TIAM1: variants seen among roughly 807,000 people sequenced by gnomAD.
TIAM1 encodes the protein TIAM Rac1 associated GEF 1.
Under a neutral mutation model 163.5 loss-of-function variants are expected in TIAM1, and 65 were observed. The observed-to-expected ratio is 0.40, with a 90% CI of 0.33 to 0.49. The LOEUF is 0.49. TIAM1 is among the 20% of genes least tolerant of loss of function. The pLI is 0.77. For synonymous variants in TIAM1, 833 were observed against 810.1 expected (o/e 1.03, Z -0.48); for missense variants, 1,789 against 2,044.7 (o/e 0.87, Z 2.41).
In TIAM1 at chr21:31,118,549, C is replaced by A. The variant is rs780899319; in HGVS notation, c.*1819G>T. The A allele has an allele frequency of 4.9e-5, 23 of 470,936 alleles. No individual in the cohort carries two copies. The highest frequency in any genetic ancestry group is 9.2e-5 in the Non-Finnish European group (21 of 227,084). 29.2% of individuals were successfully genotyped at this position (470,936 alleles called of 1,614,324 possible). A position where few individuals can be genotyped will look rare whatever the true frequency, so the allele number is the denominator to read the frequency against. On this transcript the variant is annotated 3_prime_UTR_variant, in exon 28 of 28. Coordinates refer to ENST00000541036, the MANE Select transcript of TIAM1 (RefSeq NM_001353694.2). ...AACTTTTGACATAGACACGTCATGA[C>A]CTTATGTACAAGAGACAATGGCACC...
At chr21:31,485,580 T>A (rs1000317885) in intron 1 of TIAM1, among the ~76,000 whole-genome samples, 1 of 152,174 alleles carries the variant, frequency 6.6e-6, no homozygotes, top group Non-Finnish European at 1.5e-5. Flanking sequence ...ATTCTCTCTG[T>A]TGGACTCCAG....
chr21:31,451,769 G>GAA (rs2044866346), intron 2 of TIAM1, among the ~76,000 whole-genome samples: 1 of 143,194 alleles, frequency 7.0e-6, no homozygotes, highest in Admixed American at 7.1e-5. Context: ...GTGAGACACA[G>GAA]AGAGAGAGAG....
At chr21:31,213,510 G>A in intron 9 of TIAM1, 38 bp from the exon 10 acceptor site, 1 of 1,586,982 alleles carries the variant, frequency 6.3e-7, no homozygotes, top group Non-Finnish European at 8.7e-7. Context: ...AAGGAATCTG[G>A]GCAACAGGGC....
chr21:31,132,469 G>A (rs190907758), intron 23 of TIAM1, among the ~76,000 whole-genome samples: 1 of 152,282 alleles, frequency 6.6e-6, no homozygotes, highest in East Asian at 1.9e-4. Flanking sequence ...CAAGCAACCT[G>A]AGAAGGCCTT....
chr21:31,217,487 C>A, intron 9 of TIAM1, 66 bp downstream of exon 9: 1 of 1,566,814 alleles, frequency 6.4e-7, no homozygotes, highest in Non-Finnish European at 8.7e-7. Flanking sequence ...AACACACACA[C>A]CCCAAATTGA....
chr21:31,217,089 C>G (rs1342311236), intron 9 of TIAM1, among the ~76,000 whole-genome samples: 2 of 152,094 alleles, frequency 1.3e-5, no homozygotes, highest in Non-Finnish European at 2.9e-5. Context: ...CACCTGTAGT[C>G]CCAGCTACTC....
chr21:31,312,522 T>A (rs751101674), intron 2 of TIAM1, among the ~76,000 whole-genome samples: 3 of 152,162 alleles, frequency 2.0e-5, no homozygotes, highest in Non-Finnish European at 4.4e-5. Context: ...CAAAACACTT[T>A]CCCTAACCAA....
chr21:31,528,140 G>A (rs1432376296), intron 1 of TIAM1, among the ~76,000 whole-genome samples: 1 of 152,162 alleles, frequency 6.6e-6, no homozygotes, highest in Admixed American at 6.5e-5. Flanking sequence ...GAGCAGGGAG[G>A]GGGGATGCCG....
chr21:31,228,246 A>ATCTGATAAGGATTTTTCCTTT (rs1569069014), intron 6 of TIAM1, among the ~76,000 whole-genome samples: 1 of 137,174 alleles, frequency 7.3e-6, no homozygotes, highest in African/African-American at 2.8e-5. Flanking sequence ...AAAAAAAAAA[A>ATCTGATAAGGATTTTTCCTTT]AAAAAAAAAA....
chr21:31,120,388 T>G lies in TIAM1; in HGVS notation c.4756A>C (p.Lys1586Gln). ...CGCAGTCAGATCTCAGTGTTCAGTT[T>G]CCTGGAGGGGGCAAAGTCTTCACGC... ...VRREDFAPSRKLNTEI is the reference protein window; with the variant it reads ...VRREDFAPSRQLNTEI The change falls in exon 28 of 28, where the codon AAA (lysine) becomes CAA (glutamine). Residue 1586 changes from lysine (K) to glutamine (Q), a missense_variant. Physicochemically the swap from Lys to Gln is moderately conservative, Grantham distance 53. Transcript: ENST00000541036. The surrounding 1 kb of genome is among the most constrained non-coding windows in gnomAD (Gnocchi z 4.2). 6.2e-7 allele frequency: 1 copy of G among 1,610,578 alleles called. No homozygotes were observed. Among genetic ancestry groups the G allele is most frequent in the Non-Finnish European group, 8.5e-7 (1 of 1,178,010 alleles).
intron 1 of TIAM1, among the ~76,000 whole-genome samples, chr21:31,537,691 G>A (rs915044016): frequency 5.3e-5 from 8 of 151,856 alleles, no homozygotes; most frequent in Admixed American, 2.0e-4. Context: ...GGCGGAGGTT[G>A]CCATGATCCA....
At chr21:31,545,035 C>T (rs565568990) in intron 1 of TIAM1, among the ~76,000 whole-genome samples, 1 of 151,970 alleles carries the variant, frequency 6.6e-6, no homozygotes. Context: ...TATGTCAAAA[C>T]CTTAATCCCT....
intron 2 of TIAM1, among the ~76,000 whole-genome samples, chr21:31,456,017 G>A (rs542256096): frequency 7.9e-5 from 12 of 152,232 alleles, no homozygotes; most frequent in Admixed American, 2.6e-4. Flanking sequence ...GGATATCAAC[G>A]GCTATCTTGA....
At chr21:31,418,925 T>C (rs990180013) in intron 2 of TIAM1, among the ~76,000 whole-genome samples, 1 of 152,276 alleles carries the variant, frequency 6.6e-6, no homozygotes, top group South Asian at 2.1e-4. Flanking sequence ...TCAGGTGGCT[T>C]TGAAGCCCAG....
At chr21:31,379,731 A>G (rs1421686827) in intron 2 of TIAM1, among the ~76,000 whole-genome samples, 1 of 152,202 alleles carries the variant, frequency 6.6e-6, no homozygotes, top group East Asian at 1.9e-4. Flanking sequence ...TACAACAAAG[A>G]TCAACCTCAA....
chr21:31,448,402 C>T (rs151232238), intron 2 of TIAM1, among the ~76,000 whole-genome samples: 2,951 of 152,122 alleles, frequency 0.019, 87 homozygotes, highest in African/African-American at 0.066. Flanking sequence ...GCCAGGAGTT[C>T]GAGACCAGTC....
chr21:31,487,537 ATT>A (rs552146138), intron 1 of TIAM1, among the ~76,000 whole-genome samples: 71,049 of 123,714 alleles, frequency 0.57, 21,677 homozygotes, highest in African/African-American at 0.68. Context: ...TGCCCAGCTA[ATT>A]TTTTTTTTTT....
intron 2 of TIAM1, among the ~76,000 whole-genome samples, chr21:31,390,349 T>C (rs148819053): frequency 8.3e-4 from 127 of 152,342 alleles, no homozygotes; most frequent in Non-Finnish European, 1.6e-3. Flanking sequence ...ATTACTGTTA[T>C]CAAAAATGAC....
intron 2 of TIAM1, among the ~76,000 whole-genome samples, chr21:31,372,448 G>C (rs141978344): frequency 2.0e-5 from 3 of 152,262 alleles, no homozygotes; most frequent in South Asian, 2.1e-4. Context: ...GGAGCCTTAG[G>C]GGGGCATCTG....
Sources: allele counts gnomAD v4.1 joint callset (sites outside exome capture counted in the v4.1 genomes callset), GRCh38; gene constraint gnomAD v4.1.1; non-coding constraint Gnocchi (gnomAD v3.1); transcripts MANE v1.5; gene names NCBI Gene and HGNC (gene_info 2026-07-23, HGNC 2026-07-21).